The following CNTN5 variants were observed in gnomAD, a reference collection of about 807,000 sequenced individuals.
CNTN5 encodes the protein contactin-5.
Under a neutral mutation model 129.1 loss-of-function variants are expected in CNTN5, and 77 were observed. The ratio of observed to expected loss-of-function variants is 0.60; its 90% CI spans 0.50 to 0.72. The LOEUF is 0.72. Ranked by LOEUF, CNTN5 falls within the 30% of genes least tolerant of loss-of-function variation. The probability of loss-of-function intolerance (pLI) is 0.00; values close to 1 mark genes in which losing one functional copy is unlikely to be tolerated. For missense variants in CNTN5, 1,478 were observed against 1,328.8 expected (o/e 1.11, Z -1.75); for synonymous variants, 509 against 465.6 (o/e 1.09, Z -1.20).
chr11:99,031,434 T>G (rs1324373611), intron 1 of CNTN5, among the ~76,000 whole-genome samples: 3 of 151,934 alleles, frequency 2.0e-5, no homozygotes, highest in African/African-American at 7.3e-5. Context: ...TAGAAAGAAA[T>G]GGAAGAAAGA....
intron 2 of CNTN5, among the ~76,000 whole-genome samples, chr11:99,440,758 C>T (rs1460872083): frequency 6.6e-6 from 1 of 151,940 alleles, no homozygotes; most frequent in Admixed American, 6.6e-5. Flanking sequence ...TATGAAGGAG[C>T]AAGTTTTGAA....
intron 1 of CNTN5, among the ~76,000 whole-genome samples, chr11:99,073,142 C>T (rs1865406592): frequency 6.6e-6 from 1 of 151,978 alleles, no homozygotes; most frequent in African/African-American, 2.4e-5. Context: ...CCATTGAGGG[C>T]ATTTAGGTTG....
At chr11:99,921,711 C>A (rs748676679) in intron 7 of CNTN5, among the ~76,000 whole-genome samples, 2 of 152,112 alleles carry the variant, frequency 1.3e-5, no homozygotes, top group African/African-American at 4.8e-5. Context: ...ACTGTTATTA[C>A]CCCATTGCCT....
chr11:99,400,938 T>G (rs1309693255), intron 2 of CNTN5, among the ~76,000 whole-genome samples: 2 of 152,202 alleles, frequency 1.3e-5, no homozygotes, highest in African/African-American at 4.8e-5. Flanking sequence ...TAGATTTTTT[T>G]CCTATAGAGT....
chr11:100,129,957 C>G (rs1377315876), intron 13 of CNTN5, among the ~76,000 whole-genome samples: 1 of 151,832 alleles, frequency 6.6e-6, no homozygotes, highest in Non-Finnish European at 1.5e-5. Flanking sequence ...GGTTTTTTAA[C>G]CTGATTAGTA....
chr11:99,778,739 T>C (rs1328633650), intron 3 of CNTN5, among the ~76,000 whole-genome samples: 1 of 151,920 alleles, frequency 6.6e-6, no homozygotes, highest in African/African-American at 2.4e-5. Flanking sequence ...AATGTATTAA[T>C]ATTATCATCA....
chr11:99,814,519 TG>T (rs1476884629), intron 3 of CNTN5, among the ~76,000 whole-genome samples: 1 of 152,176 alleles, frequency 6.6e-6, no homozygotes, highest in Non-Finnish European at 1.5e-5. Context: ...CTGTATTCTT[TG>T]GCTACAGAGT....
chr11:99,367,176 G>T (rs1006522842), intron 2 of CNTN5, among the ~76,000 whole-genome samples: 1 of 152,112 alleles, frequency 6.6e-6, no homozygotes, highest in African/African-American at 2.4e-5. Context: ...CCAATATAAT[G>T]TAGTTGCTGT....
Position 100,271,134 on chromosome 11 carries a change from T to C in CNTN5, c.2207T>C (p.Val736Ala). 1 of 1,612,804 alleles carries C rather than the reference T, an allele frequency of 6.2e-7. No homozygotes were observed. The highest frequency in any genetic ancestry group is 1.1e-5 in the South Asian group (1 of 90,936). ...ITGDMESAMA[V>A]DLNPWVEYEF... ...GGGGACATGGAGTCAGCCATGGCTG[T>C]GGACCTAAATCCCTGGGTGGAATAT... The change falls in exon 18 of 25, where the codon GTG becomes GCG. Residue 736 changes from valine to alanine, a missense_variant. Val to Ala is a moderately conservative substitution (Grantham distance 64, BLOSUM62 0). Transcript: ENST00000524871.
chr11:99,928,732 C>T (rs2136065797), intron 7 of CNTN5, among the ~76,000 whole-genome samples: 1 of 152,308 alleles, frequency 6.6e-6, no homozygotes, highest in Middle Eastern at 3.4e-3. Flanking sequence ...GCTATGAAGA[C>T]TTCTCACACG....
At chr11:99,475,924 C>A (rs1042724169) in intron 2 of CNTN5, among the ~76,000 whole-genome samples, 1 of 151,926 alleles carries the variant, frequency 6.6e-6, no homozygotes, top group Non-Finnish European at 1.5e-5. Context: ...CCCTTCTTTT[C>A]CTCTTTTCCT....
chr11:99,286,074 G>T (rs1050520429), intron 1 of CNTN5, among the ~76,000 whole-genome samples: 9 of 150,274 alleles, frequency 6.0e-5, no homozygotes, highest in African/African-American at 2.2e-4. Context: ...AGAAAATTGG[G>T]TAACAGAGTC....
chr11:99,942,585 G>T (rs555183024), intron 7 of CNTN5, among the ~76,000 whole-genome samples: 1 of 151,980 alleles, frequency 6.6e-6, no homozygotes, highest in Non-Finnish European at 1.5e-5. Context: ...CATAGGTAAT[G>T]TGCCATGGTG....
chr11:99,624,141 G>A (rs887944872), intron 3 of CNTN5, among the ~76,000 whole-genome samples: 2 of 151,878 alleles, frequency 1.3e-5, no homozygotes, highest in African/African-American at 4.8e-5. Flanking sequence ...TTTAATGAAT[G>A]TATTTTGTAC....
In CNTN5 at chr11:100,210,315, A is replaced by C. The variant is rs527250844; in HGVS notation, c.1885-14377A>C. 3.3e-4 allele frequency among the ~76,000 whole-genome samples: 48 copies of C among 144,730 alleles called. 1 individual carries two copies. The South Asian group carries it at 0.01, about 31-fold the overall frequency. 94.9% of individuals were successfully genotyped at this position (144,730 alleles called of 152,430 possible). A position where few individuals can be genotyped will look rare whatever the true frequency, so the allele number is the denominator to read the frequency against. On this transcript the variant is annotated intron_variant, in intron 15 of 24. Coordinates refer to ENST00000524871, the MANE Select transcript of CNTN5 (RefSeq NM_014361.4). ...CCGTGAGCCAAGAACCTGCCACTGC[A>C]CTCCAACCTGGGTGACAGGGCGAGA...
At chr11:99,289,363 A>G (rs549591659) in intron 1 of CNTN5, among the ~76,000 whole-genome samples, 5 of 151,922 alleles carry the variant, frequency 3.3e-5, no homozygotes, top group African/African-American at 1.2e-4. Context: ...GTAGTCTCTT[A>G]TATTTTAATA....
chr11:99,169,541 A>G (rs4754592), intron 1 of CNTN5, among the ~76,000 whole-genome samples: 65,508 of 151,950 alleles, frequency 0.43, 14,980 homozygotes, highest in East Asian at 0.81. Context: ...TGAGCCATTA[A>G]TAAGAAGAAT....
chr11:100,010,827 T>A (rs1402263988), intron 9 of CNTN5, among the ~76,000 whole-genome samples: 1 of 152,152 alleles, frequency 6.6e-6, no homozygotes, highest in African/African-American at 2.4e-5. Flanking sequence ...CTAAAATATC[T>A]ATCCTGCCCC....
chr11:99,864,123 T>C (rs1464370179), intron 6 of CNTN5, among the ~76,000 whole-genome samples: 1 of 152,172 alleles, frequency 6.6e-6, no homozygotes, highest in Admixed American at 6.6e-5. Context: ...TGATATATAA[T>C]AGTATGAAAA....
Sources: allele counts gnomAD v4.1 joint callset (sites outside exome capture counted in the v4.1 genomes callset), GRCh38; gene constraint gnomAD v4.1.1; transcripts MANE v1.5; gene names NCBI Gene and HGNC (gene_info 2026-07-23, HGNC 2026-07-21).